YIF1B: variants seen among roughly 807,000 people sequenced by gnomAD.
YIF1B encodes Yip1 interacting factor homolog B, membrane trafficking protein.
YIF1B carries 24 observed loss-of-function variants against 34.6 expected under a neutral mutation model. The ratio of observed to expected loss-of-function variants is 0.69; its 90% CI spans 0.50 to 0.98. The LOEUF (loss-of-function observed/expected upper bound fraction) is 0.98, where lower values mean the gene tolerates loss of function less well. Ranked by LOEUF, YIF1B falls within the 50% of genes least tolerant of loss-of-function variation. The pLI is 0.00. For synonymous variants in YIF1B, 186 were observed against 184.8 expected (o/e 1.01, Z -0.05); for missense variants, 368 against 429.4 (o/e 0.86, Z 1.26).
At chr19:38,307,370 G>A (rs1969097391) in intron 7 of YIF1B, 58 bp downstream of exon 7, 1 of 1,559,292 alleles carries the variant, frequency 6.4e-7, no homozygotes, top group South Asian at 1.1e-5. Flanking sequence ...CTGCTTGGAT[G>A]CCTGGATGCC....
In YIF1B at chr19:38,307,823, A is replaced by G. The variant is rs1969129621; in HGVS notation, c.540-71T>C. On this transcript the variant is annotated intron_variant, in intron 5 of 7. Coordinates refer to ENST00000339413, the MANE Select transcript of YIF1B (RefSeq NM_001039672.3). The stretch of plus-strand genomic sequence containing the variant: ...CCACCCCCAGCACCCATCTGGGGAC[A>G]GCTCTGTGTTGGGTAGGGCTGGACA... 4 of 1,573,490 alleles carry G rather than the reference A, an allele frequency of 2.5e-6. No homozygotes were observed. The Admixed American group carries it at 7.2e-5, about 28-fold the overall frequency.
Position 38,308,772 on chromosome 19 carries a change from C to T in YIF1B, c.539+20G>A, listed in dbSNP as rs1969173779. 5.6e-6 allele frequency: 9 copies of T among 1,613,714 alleles called. No homozygotes were observed. Among genetic ancestry groups the T allele is most frequent in the African/African-American group, 1.3e-5 (1 of 74,888 alleles). ...CCTCCCAAACCCCACCTTATTCGGCCTGCCCCAGGCCTCCCTTACCTATCC... is the reference window on the plus strand; with the variant it reads ...CCTCCCAAACCCCACCTTATTCGGCTTGCCCCAGGCCTCCCTTACCTATCC... On this transcript the variant is annotated intron_variant, in intron 5 of 7. Coordinates refer to ENST00000339413, the MANE Select transcript of YIF1B (RefSeq NM_001039672.3).
intron 7 of YIF1B, chr19:38,307,154 G>T (rs904944912): frequency 1.9e-6 from 1 of 530,694 alleles, no homozygotes; most frequent in Non-Finnish European, 3.6e-6. Context: ...CCCATGTAAG[G>T]AGAGTGGAAT....
chr19:38,307,339 G>T, intron 7 of YIF1B, 89 bp downstream of exon 7: 2 of 1,432,534 alleles, frequency 1.4e-6, no homozygotes, highest in South Asian at 1.2e-5. Flanking sequence ...TCTCTGGTCT[G>T]AACCCCACAC....
upstream of YIF1B, among the ~76,000 whole-genome samples, chr19:38,318,402 G>T (rs1969607700): frequency 1.3e-5 from 2 of 151,982 alleles, no homozygotes; most frequent in African/African-American, 2.4e-5. Flanking sequence ...TCCTGCCTCA[G>T]CCTCCCGAGT....
At chr19:38,316,825 TA>T (rs1339609988), upstream of YIF1B, among the ~76,000 whole-genome samples, 1 of 152,126 alleles carries the variant, frequency 6.6e-6, no homozygotes, top group Non-Finnish European at 1.5e-5. Context: ...CATGCCCAGC[TA>T]ATTTTTAAAT....
chr19:38,320,187 C>A (rs773856245), upstream of YIF1B: 8 of 1,600,962 alleles, frequency 5.0e-6, no homozygotes, highest in East Asian at 4.5e-5. Flanking sequence ...TGCTTGCTAA[C>A]GCTTCGGGGT....
chr19:38,314,192 ATTTTTTTTTTT>A (rs544115864), intron 1 of YIF1B, among the ~76,000 whole-genome samples: 1 of 127,264 alleles, frequency 7.9e-6, no homozygotes, highest in Non-Finnish European at 1.6e-5. Context: ...CGCCCGGCTA[ATTTTTTTTTTT>A]TTTTTTTTTG....
rs1250611647 is a variant in YIF1B, at chr19:38,304,259, G to C, written c.*1093C>G. ...GCCTTAGGACCCAACTTCTCTTACC[G>C]CCATGGAGTTCGACCTGGGAGCAGG... On this transcript the variant is annotated 3_prime_UTR_variant, in exon 8 of 8. Coordinates refer to ENST00000339413, the MANE Select transcript of YIF1B (RefSeq NM_001039672.3). 1 of 1,613,668 alleles carries C rather than the reference G, an allele frequency of 6.2e-7. No homozygotes were observed.
At chr19:38,306,052 AT>A (rs1969011855) in intron 7 of YIF1B, among the ~76,000 whole-genome samples, 1 of 151,880 alleles carries the variant, frequency 6.6e-6, no homozygotes, top group Non-Finnish European at 1.5e-5. Context: ...AAATACAAAA[AT>A]TAGCTGGGCG....
chr19:38,304,717 C>T lies in YIF1B; in HGVS notation c.*635G>A, dbSNP rs767283696. 2 of 1,613,548 alleles carry T rather than the reference C, an allele frequency of 1.2e-6. No homozygotes were observed. The highest frequency in any genetic ancestry group is 4.5e-5 in the East Asian group (2 of 44,860). ...GGGCTCTCGCCAGCGTCCCCAAGCA[C>T]GTGCCCTGCACCCCAGAGAGGCGTC... On this transcript the variant is annotated 3_prime_UTR_variant, in exon 8 of 8. Coordinates refer to ENST00000339413, the MANE Select transcript of YIF1B (RefSeq NM_001039672.3).
intron 7 of YIF1B, 47 bp downstream of exon 7, chr19:38,307,381 T>C: frequency 1.3e-6 from 2 of 1,598,408 alleles, no homozygotes; most frequent in Non-Finnish European, 1.7e-6. Flanking sequence ...CCTGGATGCC[T>C]CCGGGGCACC....
intron 1 of YIF1B, chr19:38,315,611 AAATG>A: frequency 1.3e-6 from 2 of 1,530,686 alleles, no homozygotes; most frequent in Non-Finnish European, 1.8e-6. Context: ...CGCTAACTGC[AAATG>A]AATGAAAGTT....
intron 5 of YIF1B, 67 bp from the exon 6 acceptor site, chr19:38,307,819 G>C (rs545646708): frequency 1.3e-5 from 20 of 1,582,696 alleles, no homozygotes; most frequent in Non-Finnish European, 1.7e-5. Flanking sequence ...ACCCATCTGG[G>C]GACAGCTCTG....
At position 38,315,850 on chromosome 19, in the gene YIF1B, G is replaced by T. The variant is rs1479768015; in HGVS notation, c.58+10C>A. 2 of 1,447,024 alleles carry T rather than the reference G, an allele frequency of 1.4e-6. No homozygotes were observed. 89.6% of individuals were successfully genotyped at this position (1,447,024 alleles called of 1,614,324 possible). ...CCCCGCCCGCCCGATCTCCTCCGCC[G>T]GCCACGTACGCCACTTACGCAGCCG... On this transcript the variant is annotated intron_variant, in intron 1 of 7. Coordinates refer to ENST00000339413, the MANE Select transcript of YIF1B (RefSeq NM_001039672.3).
In YIF1B at chr19:38,308,833, G is replaced by A. The variant is rs776600671; in HGVS notation, c.498C>T (p.Thr166=). 1 of 1,613,970 alleles carries A rather than the reference G, an allele frequency of 6.2e-7. No homozygotes were observed. Among genetic ancestry groups the A allele is most frequent in the South Asian group, 1.1e-5 (1 of 91,092 alleles). The change falls in exon 5 of 8, where the codon ACC becomes ACT. Residue 166 remains threonine (T), a synonymous_variant. Coordinates refer to ENST00000339413, the MANE Select transcript of YIF1B (RefSeq NM_001039672.3). ...GCGCAAGACCAGCCACCAAAACGTA[G>A]GTGATGAAAGCCATTGCTGTGGGAG... is the stretch of plus-strand genomic sequence containing the variant. The part of the protein sequence containing the change: ...DLYIPAMAFI[T]YVLVAGLALG...
chr19:38,307,325 T>C, intron 7 of YIF1B, 103 bp downstream of exon 7: 1 of 1,305,590 alleles, frequency 7.7e-7, no homozygotes, highest in Non-Finnish European at 1.1e-6. Flanking sequence ...AGTTCAGCAA[T>C]GTGTCTCTGG....
Position 38,304,726 on chromosome 19 carries a change from C to A in YIF1B, c.*626G>T, listed in dbSNP as rs1477136536. 6.2e-7 allele frequency: 1 copy of A among 1,613,162 alleles called. No homozygotes were observed. The highest frequency in any genetic ancestry group is 2.2e-5 in the East Asian group (1 of 44,870). ...CCAGCGTCCCCAAGCACGTGCCCTG[C>A]ACCCCAGAGAGGCGTCCCCGCACTG... is the stretch of plus-strand genomic sequence containing the variant. On this transcript the variant is annotated 3_prime_UTR_variant, in exon 8 of 8. Coordinates refer to ENST00000339413, the MANE Select transcript of YIF1B (RefSeq NM_001039672.3).
intron 1 of YIF1B, chr19:38,315,606 AC>A (rs1969514179): frequency 6.6e-7 from 1 of 1,524,292 alleles, no homozygotes; most frequent in Non-Finnish European, 8.8e-7. Context: ...CGGATCGCTA[AC>A]TGCAAATGAA....
Sources: gnomAD v4.1 joint callset for allele counts (sites outside exome capture counted in the v4.1 genomes callset) on GRCh38, gnomAD v4.1.1 for gene constraint, MANE v1.5 for transcripts, NCBI Gene and HGNC (gene_info 2026-07-23, HGNC 2026-07-21) for gene names.